The following CDKAL1 variants were observed in gnomAD, a reference collection of about 807,000 sequenced individuals.
CDKAL1 encodes threonylcarbamoyladenosine tRNA methylthiotransferase.
In CDKAL1, 32 loss-of-function variants were observed where a neutral mutation model predicts 68.2. That is an observed-to-expected ratio of 0.47 (90% CI 0.35 to 0.63). CDKAL1 has a LOEUF of 0.63. CDKAL1 is among the 30% of genes least tolerant of loss of function. The probability of loss-of-function intolerance (pLI) is 0.00; values close to 1 mark genes in which losing one functional copy is unlikely to be tolerated. For synonymous variants in CDKAL1, 234 were observed against 244.3 expected (o/e 0.96, Z 0.39); for missense variants, 606 against 696.7 (o/e 0.87, Z 1.47).
intron 13 of CDKAL1, among the ~76,000 whole-genome samples, chr6:21,142,224 T>C (rs891628584): frequency 6.6e-6 from 1 of 151,776 alleles, no homozygotes; most frequent in South Asian, 2.1e-4. Context: ...AATGGCTTAC[T>C]TGAGATAGAG....
At chr6:21,130,664 T>C (rs1162862948) in intron 13 of CDKAL1, among the ~76,000 whole-genome samples, 2 of 152,202 alleles carry the variant, frequency 1.3e-5, no homozygotes, top group South Asian at 2.1e-4. Flanking sequence ...TCACCTAGAG[T>C]TCTGTAGACC....
At chr6:20,855,245 C>T (rs1759263369) in intron 9 of CDKAL1, among the ~76,000 whole-genome samples, 1 of 151,792 alleles carries the variant, frequency 6.6e-6, no homozygotes, top group African/African-American at 2.4e-5. Context: ...GAGTTCTAAA[C>T]CAGCCTCACC....
At chr6:21,014,738 C>G (rs1369378282) in intron 11 of CDKAL1, among the ~76,000 whole-genome samples, 1 of 152,022 alleles carries the variant, frequency 6.6e-6, no homozygotes, top group Non-Finnish European at 1.5e-5. Flanking sequence ...AATTTTGCAC[C>G]TGGCTCAATA....
chr6:21,114,701 T>C (rs995469565), intron 13 of CDKAL1, among the ~76,000 whole-genome samples: 1 of 152,040 alleles, frequency 6.6e-6, no homozygotes, highest in Non-Finnish European at 1.5e-5. Context: ...ATCGCACCAC[T>C]GCACTCTAGC....
chr6:21,124,468 A>G (rs1774889399), intron 13 of CDKAL1, among the ~76,000 whole-genome samples: 1 of 152,042 alleles, frequency 6.6e-6, no homozygotes, highest in Admixed American at 6.5e-5. Context: ...CACTATATCC[A>G]GGACTGAATT....
At chr6:20,953,549 C>T (rs1329844705) in intron 9 of CDKAL1, among the ~76,000 whole-genome samples, 1 of 152,100 alleles carries the variant, frequency 6.6e-6, no homozygotes, top group African/African-American at 2.4e-5. Context: ...ACTTAGCCAT[C>T]TCTTTTCCTG....
chr6:21,080,496 T>C (rs1772328779), intron 12 of CDKAL1, among the ~76,000 whole-genome samples: 3 of 152,180 alleles, frequency 2.0e-5, no homozygotes, highest in Admixed American at 2.0e-4. Flanking sequence ...AAGAACTCTA[T>C]TAGTTTTTAC....
chr6:20,991,580 G>A (rs1271199860), intron 10 of CDKAL1, among the ~76,000 whole-genome samples: 4 of 151,684 alleles, frequency 2.6e-5, no homozygotes, highest in Admixed American at 1.3e-4. Flanking sequence ...GGTGGCGGGC[G>A]CCTGTAGTCC....
chr6:20,916,673 G>A (rs929487157), intron 9 of CDKAL1, among the ~76,000 whole-genome samples: 22 of 152,084 alleles, frequency 1.4e-4, no homozygotes, highest in South Asian at 2.1e-4. Flanking sequence ...AGTGTTCATG[G>A]GATTCTTCAC....
chr6:20,735,295 A>C (rs1773138634), intron 5 of CDKAL1, among the ~76,000 whole-genome samples: 1 of 148,214 alleles, frequency 6.7e-6, no homozygotes, highest in South Asian at 2.1e-4. Flanking sequence ...GAGACTGGGT[A>C]ATTTATTAAA....
chr6:21,039,366 T>C (rs1769782441), intron 11 of CDKAL1, among the ~76,000 whole-genome samples: 3 of 152,224 alleles, frequency 2.0e-5, no homozygotes, highest in South Asian at 2.1e-4. Context: ...GTTTGGGGAC[T>C]GCTGGTATAA....
intron 12 of CDKAL1, among the ~76,000 whole-genome samples, chr6:21,094,548 T>A (rs1167139863): frequency 2.6e-5 from 4 of 151,684 alleles, no homozygotes; most frequent in Non-Finnish European, 5.9e-5. Flanking sequence ...TACATGAAAA[T>A]AAAGAGCTAA....
chr6:21,193,745 A>G (rs1385005506), intron 13 of CDKAL1, among the ~76,000 whole-genome samples: 1 of 152,042 alleles, frequency 6.6e-6, no homozygotes, highest in Non-Finnish European at 1.5e-5. Flanking sequence ...TCCATCCATC[A>G]CTTTCCCCTT....
At chr6:21,165,106 A>G (rs939975407) in intron 13 of CDKAL1, among the ~76,000 whole-genome samples, 11 of 152,230 alleles carry the variant, frequency 7.2e-5, no homozygotes, top group African/African-American at 1.7e-4. Context: ...AAAGTAATTG[A>G]CCACAGCTTT....
intron 7 of CDKAL1, among the ~76,000 whole-genome samples, chr6:20,776,106 G>A (rs955032073): frequency 1.3e-5 from 2 of 152,116 alleles, no homozygotes; most frequent in Non-Finnish European, 2.9e-5. Context: ...TTATTTGCAT[G>A]TAGATAGTGA....
chr6:20,729,572 C>G (rs1404431525), intron 5 of CDKAL1, among the ~76,000 whole-genome samples: 1 of 151,826 alleles, frequency 6.6e-6, no homozygotes, highest in African/African-American at 2.4e-5. Flanking sequence ...TTATAAAGTA[C>G]TTACTGCGTG....
chr6:20,594,113 GAGTA>G (rs1372682807), intron 4 of CDKAL1, among the ~76,000 whole-genome samples: 1 of 152,198 alleles, frequency 6.6e-6, no homozygotes, highest in Non-Finnish European at 1.5e-5. Flanking sequence ...GTCAGTTTTA[GAGTA>G]AGTGTGATGT....
intron 13 of CDKAL1, among the ~76,000 whole-genome samples, chr6:21,132,311 A>G (rs979189844): frequency 2.6e-5 from 4 of 152,148 alleles, no homozygotes; most frequent in African/African-American, 9.6e-5. Flanking sequence ...TACCCAGCTG[A>G]TAAATGTGAT....
chr6:20,977,385 G>T (rs942372241), intron 10 of CDKAL1, among the ~76,000 whole-genome samples: 3 of 152,138 alleles, frequency 2.0e-5, no homozygotes, highest in African/African-American at 4.8e-5. Context: ...TTGTATATAA[G>T]GAGGACATTG....
Sources: allele counts gnomAD v4.1 joint callset (sites outside exome capture counted in the v4.1 genomes callset), GRCh38; gene constraint gnomAD v4.1.1; transcripts MANE v1.5; gene names NCBI Gene and HGNC (gene_info 2026-07-23, HGNC 2026-07-21).